The following KCNK12 variants were observed in gnomAD, a reference collection of about 807,000 sequenced individuals.
KCNK12 encodes the protein potassium two pore domain channel subfamily K member 12.
KCNK12 carries 6 observed loss-of-function variants against 25.3 expected under a neutral mutation model. The ratio of observed to expected loss-of-function variants is 0.24; its 90% CI spans 0.13 to 0.47. The LOEUF (loss-of-function observed/expected upper bound fraction) is 0.47, where lower values mean the gene tolerates loss of function less well. KCNK12 is among the 20% of genes least tolerant of loss of function. KCNK12 has a pLI of 0.99. For synonymous variants in KCNK12, 331 were observed against 311.1 expected, an observed-to-expected ratio of 1.06 and a Z score of -0.67; for missense variants, 444 against 661.7, an observed-to-expected ratio of 0.67 and a Z score of 3.61.
intron 1 of KCNK12, among the ~76,000 whole-genome samples, chr2:47,531,022 A>C (rs1011288279): frequency 6.6e-6 from 1 of 152,228 alleles, no homozygotes; most frequent in African/African-American, 2.4e-5. Flanking sequence ...AGCAATTCTC[A>C]ATTCTGGCTG....
rs981584657 is a variant in KCNK12 at position 47,560,291 on chromosome 2, C to G, written c.391+9650G>C. 3.9e-5 allele frequency among the ~76,000 whole-genome samples: 6 copies of G among 152,220 alleles called. No individual in the cohort carries two copies. Among genetic ancestry groups the G allele is most frequent in the African/African-American group, 1.4e-4 (6 of 41,454 alleles). ...GCTCTGTGGGAAGCACGTGCTCTACCCTCTCCGATCTGGTTGGCAGCCTCC... is the reference window on the plus strand; with the variant it reads ...GCTCTGTGGGAAGCACGTGCTCTACGCTCTCCGATCTGGTTGGCAGCCTCC... On this transcript the variant is annotated intron_variant, in intron 1 of 1. Transcript: ENST00000327876. This position sits in a 1 kb window ranked among gnomAD's most constrained non-coding sequence, Gnocchi z 4.7.
At chr2:47,534,490 AG>A (rs1669009996) in intron 1 of KCNK12, among the ~76,000 whole-genome samples, 1 of 87,920 alleles carries the variant, frequency 1.1e-5, no homozygotes, top group Admixed American at 1.7e-4. Flanking sequence ...AATCCTTTCC[AG>A]GGATGAGATC....
At chr2:47,541,432 G>A (rs1669196050) in intron 1 of KCNK12, among the ~76,000 whole-genome samples, 1 of 151,964 alleles carries the variant, frequency 6.6e-6, no homozygotes, top group African/African-American at 2.4e-5. Context: ...TCTCTAAGGT[G>A]GTCTTTAAAA....
Position 47,562,144 on chromosome 2 carries a change from G to C in KCNK12, c.391+7797C>G. 1 of 398,662 alleles carries C rather than the reference G, an allele frequency of 2.5e-6. No homozygotes were observed. The allele number at this position is 398,662 out of a possible 1,614,324, so 24.7% of individuals were successfully genotyped here. A position where few individuals can be genotyped will look rare whatever the true frequency, so the allele number is the denominator to read the frequency against. ...CAGGAGCTCATGAGGAATGCAGACT[G>C]TCAGGTCCCACCCCAGACCTACTCA... On this transcript the variant is annotated intron_variant, in intron 1 of 1. Transcript: ENST00000327876. The surrounding 1 kb of genome is among the most constrained non-coding windows in gnomAD (Gnocchi z 4.8).
rs1268991651 is a variant in KCNK12 at position 47,512,310 on chromosome 2, G to T, written c.*8597C>A. The T allele has an allele frequency of 3.7e-6, 6 of 1,612,632 alleles. No individual in the cohort carries two copies. The highest frequency in any genetic ancestry group is 4.2e-6 in the Non-Finnish European group (5 of 1,179,820). On this transcript the variant is annotated 3_prime_UTR_variant, in exon 2 of 2. Transcript: ENST00000327876. ...TCTTCTCCTTCCTTTCAGAACCTCA[G>T]AGTGACAGAGCCAAAAGACCAGTGC...
intron 1 of KCNK12, among the ~76,000 whole-genome samples, chr2:47,559,939 G>A (rs573059605): frequency 6.6e-6 from 1 of 152,336 alleles, no homozygotes; most frequent in South Asian, 2.1e-4. Flanking sequence ...GGCTTAAAGT[G>A]CGAGGTAAGG....
rs775552002 is a variant in KCNK12, at chr2:47,565,770, T to C, written c.391+4171A>G. On this transcript the variant is annotated intron_variant, in intron 1 of 1. Coordinates refer to ENST00000327876, the MANE Select transcript of KCNK12 (RefSeq NM_022055.2). This position sits in a 1 kb window ranked among gnomAD's most constrained non-coding sequence, Gnocchi z 5.0. ...CTGTTTGGATTGTTTGGAATATCTC[T>C]GAGCTGGAATACTGTCTTCAAGAAT... 1.3e-5 allele frequency: 2 copies of C among 152,244 alleles called. No homozygotes were observed. The highest frequency in any genetic ancestry group is 2.4e-5 in the African/African-American group (1 of 41,450). The allele number at this position is 152,244 out of a possible 1,614,324, so 9.4% of individuals were successfully genotyped here. A position where few individuals can be genotyped will look rare whatever the true frequency, so the allele number is the denominator to read the frequency against.
intron 1 of KCNK12, among the ~76,000 whole-genome samples, chr2:47,524,909 G>A (rs1470405595): frequency 2.6e-5 from 4 of 152,110 alleles, no homozygotes; most frequent in African/African-American, 9.7e-5. Context: ...TTCAAGCCTG[G>A]TGCATAGATC....
In KCNK12 at chr2:47,512,224, A is replaced by C. The variant is rs1490026186; in HGVS notation, c.*8683T>G. 3 of 1,545,224 alleles carry C rather than the reference A, an allele frequency of 1.9e-6. No homozygotes were observed. In the African/African-American group the frequency reaches 4.1e-5, roughly 21 times the overall value. ...GTCTAAGCTGGGTCAGGTACTCTGC[A>C]GATGTTTGCTGAGTATCGTTCTTGA... On this transcript the variant is annotated 3_prime_UTR_variant, in exon 2 of 2. Transcript: ENST00000327876.
intron 1 of KCNK12, chr2:47,564,306 G>C: frequency 4.3e-6 from 1 of 229,890 alleles, no homozygotes; most frequent in Non-Finnish European, 8.6e-6. Context: ...GCACCATGAA[G>C]ACAGCAGTAC....
chr2:47,556,621 G>A lies in KCNK12; in HGVS notation c.391+13320C>T, dbSNP rs1277790812. Among the ~76,000 whole-genome samples, 2 of 152,118 alleles carry A rather than the reference G, an allele frequency of 1.3e-5. No individual in the cohort carries two copies. The highest frequency in any genetic ancestry group is 2.9e-5 in the Non-Finnish European group (2 of 68,030). On this transcript the variant is annotated intron_variant, in intron 1 of 1. Transcript: ENST00000327876. The surrounding 1 kb of genome is among the most constrained non-coding windows in gnomAD (Gnocchi z 4.8). ...GCTTGAGGGCAGATGAAGAATACGTGGGAAGTTGGTATTTTGATAGGGGTA... is the reference window on the plus strand; with the variant it reads ...GCTTGAGGGCAGATGAAGAATACGTAGGAAGTTGGTATTTTGATAGGGGTA...
chr2:47,553,533 C>T (rs1046038325), intron 1 of KCNK12, among the ~76,000 whole-genome samples: 1 of 152,136 alleles, frequency 6.6e-6, no homozygotes, highest in African/African-American at 2.4e-5. Flanking sequence ...ACAGCCAAAA[C>T]AAGGGACTTC....
rs1362381711 is a variant in KCNK12 at position 47,513,308 on chromosome 2, C to T, written c.*7599G>A. Reference sequence around the variant, plus strand: ...TCACTGATATTTCCCTTTGCTAAATCTTGTGGGTGTTTTCTTCAGTCCTTG... The same window carrying T: ...TCACTGATATTTCCCTTTGCTAAATTTTGTGGGTGTTTTCTTCAGTCCTTG... On this transcript the variant is annotated 3_prime_UTR_variant, in exon 2 of 2. Transcript: ENST00000327876. 1 of 152,240 alleles carries T rather than the reference C, an allele frequency of 6.6e-6. No homozygotes were observed. The highest frequency in any genetic ancestry group is 1.9e-4 in the East Asian group (1 of 5,198). 9.4% of individuals were successfully genotyped at this position (152,240 alleles called of 1,614,324 possible). A position where few individuals can be genotyped will look rare whatever the true frequency, so the allele number is the denominator to read the frequency against.
At position 47,512,029 on chromosome 2, in the gene KCNK12, C is replaced by T. The variant is rs115560769; in HGVS notation, c.*8878G>A. Among the ~76,000 whole-genome samples, 1,246 of 152,198 alleles carry T rather than the reference C, an allele frequency of 8.2e-3. 16 individuals are homozygous for T. The highest frequency in any genetic ancestry group is 0.027 in the African/African-American group (1,115 of 41,524). ...TTGGGGAAGCAGAAACAAATGAAAACGAGGATCTGGAGCTCATGAAGTTTC... is the reference window on the plus strand; with the variant it reads ...TTGGGGAAGCAGAAACAAATGAAAATGAGGATCTGGAGCTCATGAAGTTTC... On this transcript the variant is annotated 3_prime_UTR_variant, in exon 2 of 2. Coordinates refer to ENST00000327876, the MANE Select transcript of KCNK12 (RefSeq NM_022055.2).
chr2:47,530,570 G>A (rs769048732), intron 1 of KCNK12, among the ~76,000 whole-genome samples: 8 of 152,290 alleles, frequency 5.3e-5, no homozygotes, highest in Non-Finnish European at 1.0e-4. Context: ...TCCACGCACC[G>A]TGCCAAGTGC....
rs772763752 is a variant in KCNK12, at chr2:47,570,250, GGCA to G, written c.79_81del (p.Cys27del). On this transcript the variant is annotated inframe_deletion, in exon 1 of 2. Coordinates refer to ENST00000327876, the MANE Select transcript of KCNK12 (RefSeq NM_022055.2). ...GTGTCCTCGTTGAGGTGCGAACGGC[GGCA>G]GCAGCAGCAGCAGCAGGAGGGGCGC... The G allele has an allele frequency of 7.1e-4, 1,027 of 1,441,004 alleles. No individual in the cohort carries two copies. The highest frequency in any genetic ancestry group is 2.4e-3 in the South Asian group (177 of 73,804). 89.3% of individuals were successfully genotyped at this position (1,441,004 alleles called of 1,614,324 possible).
At chr2:47,534,869 CAGG>C (rs937592579) in intron 1 of KCNK12, 4 of 199,156 alleles carry the variant, frequency 2.0e-5, no homozygotes, top group Admixed American at 6.0e-5. Flanking sequence ...CTCTATCACA[CAGG>C]AGGAGATTTT....
At chr2:47,531,641 C>T (rs117965051) in intron 1 of KCNK12, among the ~76,000 whole-genome samples, 5 of 152,112 alleles carry the variant, frequency 3.3e-5, no homozygotes, top group Admixed American at 2.6e-4. Context: ...TCCAGTGACT[C>T]TGGCTGATGG....
intron 1 of KCNK12, among the ~76,000 whole-genome samples, chr2:47,558,507 C>A (rs1368123691): frequency 2.0e-5 from 3 of 152,230 alleles, no homozygotes; most frequent in Non-Finnish European, 4.4e-5. Context: ...CACCCCGCCC[C>A]TAGGAAATGC....
Sources: allele counts gnomAD v4.1 joint callset (sites outside exome capture counted in the v4.1 genomes callset), GRCh38; gene constraint gnomAD v4.1.1; non-coding constraint Gnocchi (gnomAD v3.1); transcripts MANE v1.5; gene names NCBI Gene and HGNC (gene_info 2026-07-23, HGNC 2026-07-21).